FBXO15: variants seen among roughly 807,000 people sequenced by gnomAD.
The protein encoded by FBXO15 is F-box protein 15.
In FBXO15, 30 loss-of-function variants were observed where a neutral mutation model predicts 49.5. The ratio of observed to expected loss-of-function variants is 0.61; its 90% confidence interval spans 0.45 to 0.82. The LOEUF (loss-of-function observed/expected upper bound fraction) is 0.82, where lower values mean the gene tolerates loss of function less well. Ranked by LOEUF, FBXO15 falls within the 40% of genes least tolerant of loss-of-function variation. FBXO15 has a pLI of 0.00. For missense variants in FBXO15, 591 were observed against 631.5 expected (o/e 0.94, Z 0.69); for synonymous variants, 250 against 232.7 (o/e 1.07, Z -0.68).
intron 8 of FBXO15, among the ~76,000 whole-genome samples, chr18:74,083,894 C>T (rs1912611494): frequency 6.6e-6 from 1 of 152,150 alleles, no homozygotes; most frequent in African/African-American, 2.4e-5. Flanking sequence ...GAGTTAGACA[C>T]TTAACAGCTT....
At chr18:74,085,285 T>C (rs1183233393) in intron 8 of FBXO15, among the ~76,000 whole-genome samples, 1 of 151,716 alleles carries the variant, frequency 6.6e-6, no homozygotes, top group Non-Finnish European at 1.5e-5. Flanking sequence ...CAAGACAGTG[T>C]GGGATTATTT....
chr18:74,095,567 T>A (rs370682966), intron 8 of FBXO15, among the ~76,000 whole-genome samples: 3 of 152,220 alleles, frequency 2.0e-5, no homozygotes, highest in African/African-American at 7.2e-5. Flanking sequence ...CCATCTTACA[T>A]GGGCACTGTC....
At chr18:74,130,723 CAAATT>C in intron 3 of FBXO15, 65 bp from the exon 4 acceptor site, 1 of 1,485,594 alleles carries the variant, frequency 6.7e-7, no homozygotes. Flanking sequence ...CATAATATAT[CAAATT>C]AGAGATGCAT....
chr18:74,129,088 A>G (rs1015033892), intron 5 of FBXO15, among the ~76,000 whole-genome samples: 2 of 152,216 alleles, frequency 1.3e-5, no homozygotes, highest in Non-Finnish European at 2.9e-5. Flanking sequence ...GAAGGAAGAT[A>G]ACATATATCT....
rs1379666627 is a variant in FBXO15 at position 74,074,974 on chromosome 18, A to AC, written c.1264-1245dup. On this transcript the variant is annotated intron_variant, in intron 9 of 9. Transcript: ENST00000419743. The surrounding 1 kb of genome is among the most constrained non-coding windows in gnomAD (Gnocchi z 4.7). Reference sequence around the variant, plus strand: ...ACCTCCCTCACTCCCCTTGCAACACACCTTAGGGCCAGGTCCAGCAAAACC... The same window carrying AC: ...ACCTCCCTCACTCCCCTTGCAACACACCCTTAGGGCCAGGTCCAGCAAAACC... 5.3e-5 allele frequency among the ~76,000 whole-genome samples: 8 copies of AC among 151,838 alleles called. No homozygotes were observed. The highest frequency in any genetic ancestry group is 3.9e-4 in the Admixed American group (6 of 15,264).
chr18:74,099,221 G>A (rs764374145), intron 8 of FBXO15: 6 of 152,192 alleles, frequency 3.9e-5, no homozygotes, highest in Non-Finnish European at 7.3e-5. Flanking sequence ...ATTAACAACA[G>A]ATTTCTCAGC....
At chr18:74,099,257 T>C (rs972628066) in intron 8 of FBXO15, 1 of 152,218 alleles carries the variant, frequency 6.6e-6, no homozygotes, top group African/African-American at 2.4e-5. Context: ...TAGAAGGGAT[T>C]GGGGCCCTAT....
intron 8 of FBXO15, among the ~76,000 whole-genome samples, chr18:74,108,622 G>A (rs1243106329): frequency 6.6e-6 from 1 of 151,578 alleles, no homozygotes; most frequent in Non-Finnish European, 1.5e-5. Context: ...GAAAGAGAAG[G>A]AAACGGAAGA....
intron 8 of FBXO15, among the ~76,000 whole-genome samples, chr18:74,106,929 A>G (rs1913793401): frequency 6.6e-6 from 1 of 152,166 alleles, no homozygotes; most frequent in African/African-American, 2.4e-5. Flanking sequence ...ATTTAGTGGC[A>G]TTTGAAAAAC....
chr18:74,123,313 T>C (rs561269611), intron 8 of FBXO15, 55 bp downstream of exon 8: 1 of 1,562,532 alleles, frequency 6.4e-7, no homozygotes, highest in Non-Finnish European at 8.6e-7. Context: ...TCAAAATTGG[T>C]TCCCTCACCT....
At chr18:74,115,324 C>T (rs1914181400) in intron 8 of FBXO15, among the ~76,000 whole-genome samples, 1 of 152,124 alleles carries the variant, frequency 6.6e-6, no homozygotes, top group South Asian at 2.1e-4. Context: ...AAATATTCCT[C>T]CCACTCTGTG....
In FBXO15 at chr18:74,130,435, T is replaced by C. The variant is rs1342199012; in HGVS notation, c.556A>G (p.Lys186Glu). 12 of 1,614,182 alleles carry C rather than the reference T, an allele frequency of 7.4e-6. No homozygotes were observed. The highest frequency in any genetic ancestry group is 1.0e-5 in the Non-Finnish European group (12 of 1,180,014). ...PVNPYTGLPV[K>E]TKEALRIFGL... The stretch of plus-strand genomic sequence containing the variant: ...GCGTACCTGAGGGCCTCTTTGGTCT[T>C]AACTGGAAGGCCTGTGTAAGGGTTG... The change falls in exon 4 of 10, where the codon AAG (lysine) becomes GAG (glutamate). Residue 186 changes from lysine to glutamate, a missense_variant. Coordinates refer to ENST00000419743, the MANE Select transcript of FBXO15 (RefSeq NM_001142958.2).
chr18:74,132,004 G>A (rs942965857), intron 3 of FBXO15, among the ~76,000 whole-genome samples: 3 of 152,152 alleles, frequency 2.0e-5, no homozygotes, highest in African/African-American at 7.2e-5. Flanking sequence ...CCCAACAAAT[G>A]CAAGCTCACA....
In FBXO15 at chr18:74,104,182, T is replaced by A. The variant is rs974419719; in HGVS notation, c.1138+19186A>T. ...TTTTTCTCATTTCTTTATTTGCGTCTATTCTTTTCTTTGTGTTCTAAGTTT... is the reference window on the plus strand; with the variant it reads ...TTTTTCTCATTTCTTTATTTGCGTCAATTCTTTTCTTTGTGTTCTAAGTTT... On this transcript the variant is annotated intron_variant, in intron 8 of 9. Transcript: ENST00000419743. Among the ~76,000 whole-genome samples, 4 of 152,196 alleles carry A rather than the reference T, an allele frequency of 2.6e-5. No homozygotes were observed. In the East Asian group the frequency reaches 7.7e-4, roughly 29 times the overall value.
intron 8 of FBXO15, among the ~76,000 whole-genome samples, chr18:74,114,983 T>C (rs886747647): frequency 1.3e-5 from 2 of 152,166 alleles, no homozygotes; most frequent in Admixed American, 1.3e-4. Context: ...TCAAAAAGCC[T>C]TTCCCTAGAC....
chr18:74,124,566 CT>C lies in FBXO15; in HGVS notation c.917del (p.Glu306GlyfsTer22), dbSNP rs1568174689. The C allele has an allele frequency of 1.2e-5, 20 of 1,613,862 alleles. No individual in the cohort carries two copies. The highest frequency in any genetic ancestry group is 1.3e-5 in the Non-Finnish European group (15 of 1,179,902). ...PGLLVGVWKK[E>X]EELAFVMANL... ...TTGCCATAACAAAAGCCAGTTCTTC[CT>C]CCTTCTGAAAAGTTAATTGAGAAGA... On this transcript the variant is annotated frameshift_variant, in exon 7 of 10. Coordinates refer to ENST00000419743, the MANE Select transcript of FBXO15 (RefSeq NM_001142958.2). LOFTEE classifies it high-confidence loss of function.
intron 8 of FBXO15, among the ~76,000 whole-genome samples, chr18:74,090,184 T>C (rs1050290483): frequency 5.9e-5 from 9 of 152,142 alleles, no homozygotes; most frequent in African/African-American, 4.8e-5. Flanking sequence ...ATTTCTTCTA[T>C]GTTTTCTAGC....
chr18:74,080,621 T>C (rs1489246661), intron 9 of FBXO15, among the ~76,000 whole-genome samples: 5 of 152,264 alleles, frequency 3.3e-5, no homozygotes, highest in Admixed American at 2.6e-4. Flanking sequence ...TCAGCTTCTC[T>C]GAGAACTTCT....
intron 8 of FBXO15, among the ~76,000 whole-genome samples, chr18:74,107,363 A>G (rs1332783212): frequency 4.6e-5 from 7 of 152,172 alleles, no homozygotes; most frequent in Admixed American, 4.6e-4. Flanking sequence ...TTTTAAAAAA[A>G]TATTTTAACA....
Sources: allele counts gnomAD v4.1 joint callset (sites outside exome capture counted in the v4.1 genomes callset), GRCh38; gene constraint gnomAD v4.1.1; non-coding constraint Gnocchi (gnomAD v3.1); transcripts MANE v1.5; gene names NCBI Gene and HGNC (gene_info 2026-07-23, HGNC 2026-07-21).